SMYD3: variants seen among roughly 807,000 people sequenced by gnomAD.
The protein encoded by SMYD3 is histone-lysine N-methyltransferase SMYD3.
A neutral mutation model predicts 57.7 loss-of-function variants in SMYD3; 36 were observed. The ratio of observed to expected loss-of-function variants is 0.62; its 90% CI spans 0.48 to 0.82. SMYD3 has a LOEUF of 0.82. Ranked by LOEUF, SMYD3 falls within the 40% of genes least tolerant of loss-of-function variation. The pLI, the probability that SMYD3 is intolerant of heterozygous loss-of-function variation, is 0.00. For missense variants in SMYD3, 515 were observed against 538.8 expected (o/e 0.96, Z 0.44); for synonymous variants, 211 against 195.0 (o/e 1.08, Z -0.68).
intron 7 of SMYD3, among the ~76,000 whole-genome samples, chr1:245,918,689 T>C (rs1267370817): frequency 1.3e-5 from 2 of 152,254 alleles, no homozygotes; most frequent in Non-Finnish European, 2.9e-5. Flanking sequence ...GGACAGTAGA[T>C]AGATTCATCT....
At chr1:246,008,738 C>T (rs564575826) in intron 5 of SMYD3, among the ~76,000 whole-genome samples, 4 of 152,086 alleles carry the variant, frequency 2.6e-5, no homozygotes, top group African/African-American at 9.7e-5. Flanking sequence ...GCAATTTTCT[C>T]GGTTTCGTTT....
chr1:245,759,460 A>G (rs893414924), intron 11 of SMYD3, among the ~76,000 whole-genome samples: 3 of 152,188 alleles, frequency 2.0e-5, no homozygotes, highest in Non-Finnish European at 2.9e-5. Flanking sequence ...AAGGTTGTGT[A>G]TATTTAACTT....
intron 5 of SMYD3, among the ~76,000 whole-genome samples, chr1:246,210,702 C>T (rs2063071641): frequency 6.7e-6 from 1 of 149,252 alleles, no homozygotes; most frequent in African/African-American, 2.5e-5. Flanking sequence ...AAGGGCGAAA[C>T]TAAAAAAAAA....
chr1:246,081,126 GA>G (rs1485049140), intron 5 of SMYD3, among the ~76,000 whole-genome samples: 1 of 152,218 alleles, frequency 6.6e-6, no homozygotes, highest in Non-Finnish European at 1.5e-5. Flanking sequence ...TAGCGTTGAG[GA>G]AGGAAAGATT....
chr1:246,462,774 A>G (rs1165689448), intron 1 of SMYD3, among the ~76,000 whole-genome samples: 1 of 152,230 alleles, frequency 6.6e-6, no homozygotes, highest in East Asian at 1.9e-4. Context: ...CAGATTAGTA[A>G]ATAAGAAATG....
intron 5 of SMYD3, among the ~76,000 whole-genome samples, chr1:246,172,067 C>T (rs538859285): frequency 6.6e-5 from 10 of 152,318 alleles, no homozygotes; most frequent in Admixed American, 2.6e-4. Flanking sequence ...AGAGCACTGA[C>T]CATGAATGGA....
At chr1:246,116,201 GAC>G (rs56722969) in intron 5 of SMYD3, among the ~76,000 whole-genome samples, 3,903 of 145,866 alleles carry the variant, frequency 0.027, 61 homozygotes, top group African/African-American at 0.044. Flanking sequence ...CCCTGAGATG[GAC>G]ACACACACAC....
At chr1:246,452,850 A>C (rs989674745) in intron 1 of SMYD3, among the ~76,000 whole-genome samples, 3 of 152,224 alleles carry the variant, frequency 2.0e-5, no homozygotes, top group Non-Finnish European at 4.4e-5. Flanking sequence ...CTAATGTTTT[A>C]CTGGAAACAT....
At chr1:245,916,807 C>G (rs762711782) in intron 7 of SMYD3, among the ~76,000 whole-genome samples, 2 of 152,142 alleles carry the variant, frequency 1.3e-5, no homozygotes, top group Non-Finnish European at 2.9e-5. Context: ...ATGACATGTT[C>G]TGTTTGAAAC....
intron 5 of SMYD3, among the ~76,000 whole-genome samples, chr1:246,056,063 A>C (rs543189059): frequency 3.9e-5 from 6 of 152,214 alleles, no homozygotes; most frequent in Non-Finnish European, 8.8e-5. Flanking sequence ...AAAAAGTGGC[A>C]CAGAAATATT....
intron 7 of SMYD3, among the ~76,000 whole-genome samples, chr1:245,925,778 T>C (rs995414653): frequency 3.3e-5 from 5 of 152,160 alleles, no homozygotes; most frequent in African/African-American, 1.2e-4. Flanking sequence ...AAGCTCTAAA[T>C]AGAGAGGTCT....
intron 10 of SMYD3, among the ~76,000 whole-genome samples, chr1:245,795,066 C>T (rs2047463352): frequency 6.6e-6 from 1 of 152,132 alleles, no homozygotes; most frequent in Non-Finnish European, 1.5e-5. Context: ...CAGGTTCTCT[C>T]CCATCTGTCT....
At chr1:246,463,659 T>TAAA (rs2067836434) in intron 1 of SMYD3, among the ~76,000 whole-genome samples, 2 of 9,284 alleles carry the variant, frequency 2.2e-4, no homozygotes, top group Non-Finnish European at 4.5e-4. Context: ...CTACTAAAAA[T>TAAA]ACAAAAAAAA....
At chr1:246,361,970 G>GA (rs2065995112) in intron 1 of SMYD3, among the ~76,000 whole-genome samples, 1 of 151,982 alleles carries the variant, frequency 6.6e-6, no homozygotes, top group Admixed American at 6.6e-5. Flanking sequence ...GAATCTCAGA[G>GA]AAAAAAATAA....
chr1:246,503,822 G>A (rs2068495078), intron 1 of SMYD3, among the ~76,000 whole-genome samples: 2 of 152,068 alleles, frequency 1.3e-5, no homozygotes, highest in East Asian at 3.9e-4. Flanking sequence ...AATTAGCCAG[G>A]CGTGGTCTGT....
At chr1:246,268,754 G>A (rs531119308) in intron 5 of SMYD3, among the ~76,000 whole-genome samples, 1 of 151,950 alleles carries the variant, frequency 6.6e-6, no homozygotes, top group African/African-American at 2.4e-5. Flanking sequence ...AGAAAGAAAT[G>A]GGCAACCAGC....
At chr1:246,046,854 G>A (rs2059975772) in intron 5 of SMYD3, among the ~76,000 whole-genome samples, 2 of 151,384 alleles carry the variant, frequency 1.3e-5, no homozygotes, top group African/African-American at 4.8e-5. Context: ...AGTTTTCTCT[G>A]TACCAGAGAT....
At chr1:245,865,541 C>G (rs9725231) in intron 8 of SMYD3, among the ~76,000 whole-genome samples, 84,443 of 151,954 alleles carry the variant, frequency 0.56, 26,651 homozygotes, top group Non-Finnish European at 0.73. Flanking sequence ...CAAAATTTCA[C>G]CCCAGGTCTG....
chr1:246,337,537 C>G (rs1247442333), intron 2 of SMYD3, among the ~76,000 whole-genome samples: 1 of 152,062 alleles, frequency 6.6e-6, no homozygotes, highest in African/African-American at 2.4e-5. Flanking sequence ...CGTTAGTTTT[C>G]CTTTGATTAT....
Sources: gnomAD v4.1 joint callset for allele counts (sites outside exome capture counted in the v4.1 genomes callset) on GRCh38, gnomAD v4.1.1 for gene constraint, MANE v1.5 for transcripts, NCBI Gene and HGNC (gene_info 2026-07-23, HGNC 2026-07-21) for gene names.